Variants in PLCL1 observed in about 807,000 individuals in gnomAD.
The protein encoded by PLCL1 is phospholipase C like 1 (inactive).
In PLCL1, 41 loss-of-function variants were observed where a neutral mutation model predicts 84.4. The ratio of observed to expected loss-of-function variants is 0.49; its 90% CI spans 0.38 to 0.63. The LOEUF is 0.63. Ranked by LOEUF, PLCL1 falls within the 30% of genes least tolerant of loss-of-function variation. The pLI, the probability that PLCL1 is intolerant of heterozygous loss-of-function variation, is 0.00. For missense variants in PLCL1, 1,206 were observed against 1,367.8 expected (o/e 0.88, Z 1.87); for synonymous variants, 490 against 488.3 (o/e 1.00, Z -0.05).
At chr2:197,908,457 A>T (rs1644110461) in intron 1 of PLCL1, among the ~76,000 whole-genome samples, 1 of 152,182 alleles carries the variant, frequency 6.6e-6, no homozygotes, top group Admixed American at 6.5e-5. Context: ...CTGTCCAGTG[A>T]TCCTTTTGAT....
chr2:198,144,704 A>G (rs1694474846), intron 5 of PLCL1, among the ~76,000 whole-genome samples: 1 of 152,186 alleles, frequency 6.6e-6, no homozygotes, highest in South Asian at 2.1e-4. Flanking sequence ...CGTCCCTGCT[A>G]GTGTGTTCTT....
intron 1 of PLCL1, among the ~76,000 whole-genome samples, chr2:198,044,550 G>T (rs769527755): frequency 1.3e-5 from 2 of 152,146 alleles, no homozygotes; most frequent in Non-Finnish European, 2.9e-5. Context: ...ATATGTTATA[G>T]TACTAATTTT....
chr2:198,098,707 C>T (rs369756624), intron 3 of PLCL1, among the ~76,000 whole-genome samples: 9 of 152,028 alleles, frequency 5.9e-5, no homozygotes, highest in Admixed American at 1.3e-4. Flanking sequence ...CCTAATATGA[C>T]GAAAGTGCAT....
intron 1 of PLCL1, among the ~76,000 whole-genome samples, chr2:198,021,128 C>T (rs1025458209): frequency 2.0e-5 from 3 of 152,196 alleles, no homozygotes; most frequent in Admixed American, 2.0e-4. Context: ...GGAAACTGAA[C>T]AACCTGTTCC....
intron 1 of PLCL1, among the ~76,000 whole-genome samples, chr2:198,047,208 G>A (rs1358771692): frequency 6.6e-6 from 1 of 151,212 alleles, no homozygotes; most frequent in Non-Finnish European, 1.5e-5. Flanking sequence ...GTTTTGAGAG[G>A]GAGTCTCACA....
At chr2:198,096,179 A>G (rs972149653) in intron 3 of PLCL1, among the ~76,000 whole-genome samples, 6 of 152,168 alleles carry the variant, frequency 3.9e-5, no homozygotes, top group Non-Finnish European at 8.8e-5. Flanking sequence ...ACACCTAAAA[A>G]GGGAAGTAGT....
At chr2:198,002,584 C>T (rs1043217018) in intron 1 of PLCL1, among the ~76,000 whole-genome samples, 1 of 152,114 alleles carries the variant, frequency 6.6e-6, no homozygotes, top group Non-Finnish European at 1.5e-5. Flanking sequence ...TCTTAGATTG[C>T]ATGGAATACA....
intron 1 of PLCL1, among the ~76,000 whole-genome samples, chr2:198,081,987 G>A (rs775517193): frequency 6.6e-6 from 1 of 152,080 alleles, no homozygotes; most frequent in Non-Finnish European, 1.5e-5. Flanking sequence ...ATTTATCACC[G>A]AAGATTTGTC....
chr2:197,966,485 T>C (rs184946729), intron 1 of PLCL1, among the ~76,000 whole-genome samples: 33 of 152,266 alleles, frequency 2.2e-4, no homozygotes, highest in African/African-American at 7.5e-4. Flanking sequence ...TCACCCTCCA[T>C]TGAGTTTTGC....
At chr2:197,836,753 C>T (rs1480560418) in intron 1 of PLCL1, among the ~76,000 whole-genome samples, 1 of 152,088 alleles carries the variant, frequency 6.6e-6, no homozygotes, top group African/African-American at 2.4e-5. Flanking sequence ...GAGATGGGTT[C>T]TCTGTTGCTC....
intron 3 of PLCL1, among the ~76,000 whole-genome samples, chr2:198,093,914 AT>A (rs371895119): frequency 6.6e-6 from 1 of 152,060 alleles, no homozygotes; most frequent in Non-Finnish European, 1.5e-5. Flanking sequence ...ATCTGCACAG[AT>A]TTTTTCCCCT....
At chr2:197,996,249 G>A (rs1690463104) in intron 1 of PLCL1, among the ~76,000 whole-genome samples, 1 of 152,110 alleles carries the variant, frequency 6.6e-6, no homozygotes, top group Non-Finnish European at 1.5e-5. Flanking sequence ...CACAGGGGTG[G>A]ACTAGGTCAT....
chr2:197,989,278 C>T (rs778802444), intron 1 of PLCL1, among the ~76,000 whole-genome samples: 1 of 151,992 alleles, frequency 6.6e-6, no homozygotes, highest in Admixed American at 6.6e-5. Flanking sequence ...TGCTTTTGAC[C>T]TAGTTGGGGA....
chr2:198,020,886 G>A (rs1462575053), intron 1 of PLCL1, among the ~76,000 whole-genome samples: 1 of 152,104 alleles, frequency 6.6e-6, no homozygotes, highest in Non-Finnish European at 1.5e-5. Flanking sequence ...CTCAGCTCTA[G>A]ACCAAGCAGA....
At chr2:197,925,809 TA>T (rs1688820462) in intron 1 of PLCL1, among the ~76,000 whole-genome samples, 1 of 150,778 alleles carries the variant, frequency 6.6e-6, no homozygotes, top group South Asian at 2.2e-4. Context: ...CCTTTGTCAT[TA>T]ACCCTTTTTA....
intron 5 of PLCL1, among the ~76,000 whole-genome samples, chr2:198,107,423 T>G (rs1398677322): frequency 6.6e-6 from 1 of 151,840 alleles, no homozygotes. Context: ...GATTACCTGA[T>G]AGTGGTGAGA....
chr2:198,026,305 C>A (rs1290032711), intron 1 of PLCL1, among the ~76,000 whole-genome samples: 1 of 152,098 alleles, frequency 6.6e-6, no homozygotes, highest in East Asian at 1.9e-4. Flanking sequence ...ATGTAAAATG[C>A]TGGTTTTCAC....
At chr2:197,919,741 G>A (rs562473174) in intron 1 of PLCL1, among the ~76,000 whole-genome samples, 12 of 152,182 alleles carry the variant, frequency 7.9e-5, no homozygotes, top group Non-Finnish European at 1.6e-4. Context: ...CTGCATGAAT[G>A]GGGAAATATG....
chr2:198,128,148 T>C (rs1194856246), intron 5 of PLCL1, among the ~76,000 whole-genome samples: 1 of 152,094 alleles, frequency 6.6e-6, no homozygotes, highest in Non-Finnish European at 1.5e-5. Flanking sequence ...AAACCAAAAA[T>C]AAAATTCTAA....
Sources: gnomAD v4.1 joint callset for allele counts (sites outside exome capture counted in the v4.1 genomes callset) on GRCh38, gnomAD v4.1.1 for gene constraint, MANE v1.5 for transcripts, NCBI Gene and HGNC (gene_info 2026-07-23, HGNC 2026-07-21) for gene names.